Variants in NTM observed in about 807,000 individuals in gnomAD.
The protein encoded by NTM is neurotrimin, also known as IgLON family member 2.
In NTM, 13 loss-of-function variants were observed where a neutral mutation model predicts 42.1. That is an observed-to-expected ratio of 0.31 (90% CI 0.20 to 0.49). NTM has a LOEUF of 0.49. Among genes scored for constraint, NTM ranks in the 20% least tolerant of loss-of-function variants. The pLI is 0.99. For synonymous variants in NTM, 187 were observed against 179.2 expected (o/e 1.04, Z -0.35); for missense variants, 373 against 452.8 (o/e 0.82, Z 1.60).
chr11:131,518,945 A>G (rs1368287414), intron 1 of NTM, among the ~76,000 whole-genome samples: 1 of 152,214 alleles, frequency 6.6e-6, no homozygotes. Flanking sequence ...CATCCCACAA[A>G]TGTCCTGTAT....
At chr11:131,662,799 A>G (rs1209198919) in intron 1 of NTM, among the ~76,000 whole-genome samples, 1 of 152,144 alleles carries the variant, frequency 6.6e-6, no homozygotes. Context: ...GGACCTCAGA[A>G]CTTGCCTTGT....
chr11:131,902,647 A>T (rs2053336101), intron 1 of NTM, among the ~76,000 whole-genome samples: 1 of 152,182 alleles, frequency 6.6e-6, no homozygotes, highest in Non-Finnish European at 1.5e-5. Context: ...TGAAACTGGT[A>T]TGGTGTGTCT....
intron 3 of NTM, among the ~76,000 whole-genome samples, chr11:132,162,197 G>A (rs1021864149): frequency 2.0e-5 from 3 of 151,816 alleles, no homozygotes; most frequent in Non-Finnish European, 4.4e-5. Flanking sequence ...GAGTGTGTAT[G>A]TGGGGGAAGA....
At chr11:132,056,892 C>T (rs141712082) in intron 2 of NTM, among the ~76,000 whole-genome samples, 294 of 152,266 alleles carry the variant, frequency 1.9e-3, no homozygotes, top group African/African-American at 6.2e-3. Context: ...CCTTGTGTGT[C>T]GCCTTGATGA....
intron 1 of NTM, among the ~76,000 whole-genome samples, chr11:131,387,007 A>G (rs1210081040): frequency 2.6e-5 from 4 of 152,208 alleles, no homozygotes; most frequent in African/African-American, 7.2e-5. Flanking sequence ...TATATCAAAT[A>G]CATTTCTTAA....
intron 2 of NTM, among the ~76,000 whole-genome samples, chr11:131,993,025 A>G (rs552170256): frequency 6.6e-6 from 1 of 152,330 alleles, no homozygotes; most frequent in African/African-American, 2.4e-5. Context: ...CTGATTTGCT[A>G]GATCTAGGGC....
chr11:132,150,820 G>A (rs1443216519), intron 3 of NTM, among the ~76,000 whole-genome samples: 2 of 152,148 alleles, frequency 1.3e-5, no homozygotes, highest in Non-Finnish European at 2.9e-5. Flanking sequence ...GAGCTCAGGG[G>A]ACATGAATAC....
chr11:132,117,764 A>C (rs1177718525), intron 2 of NTM, among the ~76,000 whole-genome samples: 1 of 152,216 alleles, frequency 6.6e-6, no homozygotes, highest in Non-Finnish European at 1.5e-5. Context: ...TAGCACTTAA[A>C]AAATACTTTA....
At chr11:132,172,953 T>G (rs2076311738) in intron 3 of NTM, among the ~76,000 whole-genome samples, 4 of 152,230 alleles carry the variant, frequency 2.6e-5, no homozygotes, top group Admixed American at 1.3e-4. Flanking sequence ...CAGGATCAAT[T>G]GTAATACCAA....
chr11:132,213,270 A>C (rs1377576301), intron 4 of NTM, among the ~76,000 whole-genome samples: 1 of 152,158 alleles, frequency 6.6e-6, no homozygotes, highest in African/African-American at 2.4e-5. Context: ...GGGAAACAGA[A>C]TTGGGCAGGT....
intron 1 of NTM, among the ~76,000 whole-genome samples, chr11:131,889,383 C>A (rs959017988): frequency 6.6e-6 from 1 of 152,200 alleles, no homozygotes; most frequent in Non-Finnish European, 1.5e-5. Context: ...CCAGCCCATA[C>A]CCCCAGCCAG....
At chr11:131,896,071 G>A (rs1057081932) in intron 1 of NTM, among the ~76,000 whole-genome samples, 5 of 152,196 alleles carry the variant, frequency 3.3e-5, no homozygotes, top group African/African-American at 9.7e-5. Context: ...TAGGCAGGGG[G>A]AGCCACTGAA....
At chr11:131,901,874 CCTT>C (rs747467039) in intron 1 of NTM, among the ~76,000 whole-genome samples, 20 of 152,212 alleles carry the variant, frequency 1.3e-4, no homozygotes, top group Non-Finnish European at 2.4e-4. Flanking sequence ...ACAAGTTGCT[CCTT>C]CTTTCTCACG....
At chr11:131,649,298 C>G (rs1032915007) in intron 1 of NTM, among the ~76,000 whole-genome samples, 1 of 152,106 alleles carries the variant, frequency 6.6e-6, no homozygotes, top group Non-Finnish European at 1.5e-5. Flanking sequence ...TAATCATATC[C>G]AAGTAAAGGG....
chr11:131,789,546 AAAAGAAGAAGAAGAAGAAGAAG>A lies in NTM; in HGVS notation c.83-122015_83-121994del, dbSNP rs2090265342. Among the ~76,000 whole-genome samples, 3 of 8,130 alleles carry A rather than the reference AAAAGAAGAAGAAGAAGAAGAAG, an allele frequency of 3.7e-4. 1 individual carries two copies. The highest frequency in any genetic ancestry group is 6.4e-4 in the Non-Finnish European group (3 of 4,700). The allele number at this position is 8,130 out of a possible 152,430, so 5.3% of individuals were successfully genotyped here. ...GAAGAAGAAGAAGAAGAAGAAGAAG[AAAAGAAGAAGAAGAAGAAGAAG>A]AAGAAGAAGAAGAAGAAGAAGAAGA... On this transcript the variant is annotated intron_variant, in intron 1 of 8. Transcript: ENST00000683400.
intron 1 of NTM, among the ~76,000 whole-genome samples, chr11:131,634,082 G>C (rs191939838): frequency 2.3e-3 from 344 of 152,246 alleles, no homozygotes; most frequent in African/African-American, 7.3e-3. Flanking sequence ...TTGCAGATCT[G>C]TTTGCACATG....
At chr11:132,182,490 G>A (rs1453109906) in intron 3 of NTM, among the ~76,000 whole-genome samples, 1 of 152,170 alleles carries the variant, frequency 6.6e-6, no homozygotes, top group African/African-American at 2.4e-5. Flanking sequence ...GCCACACAGG[G>A]TCTCTGCAAG....
At chr11:131,722,126 A>T (rs930664422) in intron 1 of NTM, among the ~76,000 whole-genome samples, 1 of 152,202 alleles carries the variant, frequency 6.6e-6, no homozygotes, top group Non-Finnish European at 1.5e-5. Flanking sequence ...GCATACAGTC[A>T]GTATCCAACA....
Position 131,382,140 on chromosome 11 carries a change from G to A in NTM, c.82+11252G>A, listed in dbSNP as rs547461797. Among the ~76,000 whole-genome samples the A allele has an allele frequency of 5.9e-5, 9 of 152,160 alleles. No homozygotes were observed. In the East Asian group the frequency reaches 1.2e-3, roughly 20 times the overall value. Reference sequence around the variant, plus strand: ...GTTATGACATATGGTCATATACTGCGGTTCAGGCCAATGGGATACAAGCAT... The same window carrying A: ...GTTATGACATATGGTCATATACTGCAGTTCAGGCCAATGGGATACAAGCAT... On this transcript the variant is annotated intron_variant, in intron 1 of 8. Transcript: ENST00000683400.
Sources: gnomAD v4.1 joint callset for allele counts (sites outside exome capture counted in the v4.1 genomes callset) on GRCh38, gnomAD v4.1.1 for gene constraint, MANE v1.5 for transcripts, NCBI Gene and HGNC (gene_info 2026-07-23, HGNC 2026-07-21) for gene names.